NFIB: variants seen among roughly 807,000 people sequenced by gnomAD.
The protein encoded by NFIB is nuclear factor I B.
A neutral mutation model predicts 61.5 loss-of-function variants in NFIB; 11 were observed. The ratio of observed to expected loss-of-function variants is 0.18; its 90% CI spans 0.11 to 0.30. NFIB has a LOEUF of 0.30. Ranked by LOEUF, NFIB falls within the 10% of genes least tolerant of loss-of-function variation. NFIB has a pLI of 1.00. For synonymous variants in NFIB, 260 were observed against 216.5 expected, an observed-to-expected ratio of 1.20 and a Z score of -1.76; for missense variants, 471 against 608.9, an observed-to-expected ratio of 0.77 and a Z score of 2.38.
intron 3 of NFIB, among the ~76,000 whole-genome samples, chr9:14,167,281 GC>G (rs1389481454): frequency 6.6e-6 from 1 of 152,174 alleles, no homozygotes; most frequent in African/African-American, 2.4e-5. Context: ...GGTGGCTCAT[GC>G]CTGTAATCCC....
chr9:14,414,528 T>TC, the NFIB span, among the ~76,000 whole-genome samples: 1 of 149,650 alleles, frequency 6.7e-6, no homozygotes, highest in South Asian at 2.1e-4. Flanking sequence ...TTTTTTTTTT[T>TC]TGGCAAATTT....
intron 10 of NFIB, among the ~76,000 whole-genome samples, chr9:14,098,218 C>A (rs529633725): frequency 1.2e-4 from 18 of 152,062 alleles, no homozygotes; most frequent in Non-Finnish European, 2.2e-4. Flanking sequence ...TAAACATATC[C>A]TTTGGTAACA....
At chr9:14,144,859 C>A (rs575580270) in intron 6 of NFIB, among the ~76,000 whole-genome samples, 3 of 152,128 alleles carry the variant, frequency 2.0e-5, no homozygotes, top group Admixed American at 1.3e-4. Context: ...AGGAAGGTCC[C>A]GGTTGTTGAA....
the NFIB span, among the ~76,000 whole-genome samples, chr9:14,503,860 A>G: frequency 9.9e-5 from 15 of 151,982 alleles, no homozygotes; most frequent in African/African-American, 3.6e-4. Context: ...TTTTTGTTGC[A>G]TTTGCTTTTG....
chr9:14,286,365 T>A (rs907543517), intron 2 of NFIB, among the ~76,000 whole-genome samples: 3 of 152,074 alleles, frequency 2.0e-5, no homozygotes, highest in Admixed American at 1.3e-4. Flanking sequence ...ATTTCCAACC[T>A]CCTGCAAAAA....
intron 2 of NFIB, among the ~76,000 whole-genome samples, chr9:14,257,266 T>A (rs2056308507): frequency 6.6e-6 from 1 of 152,144 alleles, no homozygotes; most frequent in Non-Finnish European, 1.5e-5. Flanking sequence ...TAGAACATGG[T>A]GCACACAAGG....
intron 10 of NFIB, among the ~76,000 whole-genome samples, chr9:14,100,559 A>T (rs911390446): frequency 1.8e-4 from 27 of 151,576 alleles, no homozygotes; most frequent in Non-Finnish European, 4.4e-5. Flanking sequence ...AATACAAAAA[A>T]ATTAGCCGGG....
At chr9:14,346,743 G>A (rs2061027836) in intron 1 of NFIB, among the ~76,000 whole-genome samples, 1 of 152,156 alleles carries the variant, frequency 6.6e-6, no homozygotes, top group Non-Finnish European at 1.5e-5. Context: ...TTTCTGTGAT[G>A]GTCACCTGGC....
the NFIB span, among the ~76,000 whole-genome samples, chr9:14,526,730 A>G: frequency 1.3e-5 from 2 of 152,230 alleles, no homozygotes; most frequent in Non-Finnish European, 2.9e-5. Context: ...GCCATGTTAC[A>G]GAAATATGCT....
intron 4 of NFIB, among the ~76,000 whole-genome samples, chr9:14,153,709 A>C (rs925652240): frequency 2.4e-4 from 37 of 152,176 alleles, no homozygotes; most frequent in African/African-American, 8.7e-4. Context: ...ACCCTAGAGG[A>C]CTGAAAGCAC....
chr9:14,193,664 G>A (rs774139968), intron 2 of NFIB, among the ~76,000 whole-genome samples: 32 of 152,036 alleles, frequency 2.1e-4, no homozygotes, highest in African/African-American at 2.9e-4. Context: ...AACACTCTAC[G>A]AACAGGAGAA....
At chr9:14,208,597 T>C (rs2049996952) in intron 2 of NFIB, among the ~76,000 whole-genome samples, 2 of 151,874 alleles carry the variant, frequency 1.3e-5, no homozygotes, top group African/African-American at 4.8e-5. Flanking sequence ...TCTTCACAAG[T>C]ACTTTTGATA....
chr9:14,156,477 T>C (rs1476824766), intron 3 of NFIB, among the ~76,000 whole-genome samples: 1 of 152,208 alleles, frequency 6.6e-6, no homozygotes, highest in Non-Finnish European at 1.5e-5. Flanking sequence ...TTAATATACG[T>C]TGCACGATTT....
chr9:14,276,257 G>C (rs1357665268), intron 2 of NFIB, among the ~76,000 whole-genome samples: 1 of 152,070 alleles, frequency 6.6e-6, no homozygotes, highest in Admixed American at 6.6e-5. Flanking sequence ...TATCTGTTGG[G>C]GTAGTTGCTT....
chr9:14,347,888 C>G (rs991113053), intron 1 of NFIB, among the ~76,000 whole-genome samples: 1 of 151,964 alleles, frequency 6.6e-6, no homozygotes, highest in African/African-American at 2.4e-5. Flanking sequence ...AAGGGCCGAG[C>G]GCGCGCGCGC....
the NFIB span, among the ~76,000 whole-genome samples, chr9:14,508,602 T>A: frequency 6.6e-6 from 1 of 152,204 alleles, no homozygotes. Context: ...ACGGAGAAAG[T>A]CTATCACCAG....
intron 2 of NFIB, among the ~76,000 whole-genome samples, chr9:14,181,152 T>G (rs549936186): frequency 6.6e-6 from 1 of 152,320 alleles, no homozygotes; most frequent in African/African-American, 2.4e-5. Flanking sequence ...ATATAAAACC[T>G]GGTTATTTAT....
At chr9:14,214,324 C>T (rs903765684) in intron 2 of NFIB, among the ~76,000 whole-genome samples, 4 of 152,206 alleles carry the variant, frequency 2.6e-5, no homozygotes, top group Admixed American at 1.3e-4. Context: ...CACATAGAGC[C>T]CCACTTACGT....
intron 2 of NFIB, among the ~76,000 whole-genome samples, chr9:14,190,449 G>A (rs866149621): frequency 6.6e-6 from 1 of 152,164 alleles, no homozygotes; most frequent in Non-Finnish European, 1.5e-5. Context: ...TAAGTCATCT[G>A]ATGAACAGGA....
Sources: allele counts gnomAD v4.1 joint callset (sites outside exome capture counted in the v4.1 genomes callset), GRCh38; gene constraint gnomAD v4.1.1; transcripts MANE v1.5; gene names NCBI Gene and HGNC (gene_info 2026-07-23, HGNC 2026-07-21).